SV2C: variants seen among roughly 807,000 people sequenced by gnomAD.
SV2C encodes the protein solute carrier family 22 member B3.
A neutral mutation model predicts 79.7 loss-of-function variants in SV2C; 49 were observed. The ratio of observed to expected loss-of-function variants is 0.61; its 90% confidence interval spans 0.49 to 0.78. The LOEUF (loss-of-function observed/expected upper bound fraction) is 0.78. Among genes scored for constraint, SV2C ranks in the 30% least tolerant of loss-of-function variants. The pLI, the probability that SV2C is intolerant of heterozygous loss-of-function variation, is 0.00. For synonymous variants in SV2C, 334 were observed against 333.2 expected (o/e 1.00, Z -0.03); for missense variants, 833 against 912.9 (o/e 0.91, Z 1.13).
chr5:75,905,366 T>TG, the SV2C span, among the ~76,000 whole-genome samples: 3 of 152,244 alleles, frequency 2.0e-5, no homozygotes, highest in African/African-American at 7.2e-5. Flanking sequence ...ACTTAGCTTC[T>TG]GGGTCAAAGC....
chr5:76,034,872 C>G, the SV2C span, among the ~76,000 whole-genome samples: 1 of 152,178 alleles, frequency 6.6e-6, no homozygotes, highest in Admixed American at 6.5e-5. Context: ...GTGAATCCAT[C>G]TGGTCCTGGA....
intron 1 of SV2C, among the ~76,000 whole-genome samples, chr5:76,099,260 T>C (rs1747660986): frequency 2.0e-5 from 3 of 152,156 alleles, no homozygotes; most frequent in Admixed American, 2.0e-4. Context: ...TTGCCTAAGA[T>C]TGAAGTGCTA....
At chr5:76,094,225 T>C (rs1450625646) in intron 1 of SV2C, among the ~76,000 whole-genome samples, 1 of 152,208 alleles carries the variant, frequency 6.6e-6, no homozygotes, top group East Asian at 1.9e-4. Context: ...AAACATAGAT[T>C]ATAAATATAT....
intron 12 of SV2C, among the ~76,000 whole-genome samples, chr5:76,302,507 G>A (rs1477389437): frequency 1.3e-5 from 2 of 151,400 alleles, no homozygotes; most frequent in African/African-American, 4.9e-5. Flanking sequence ...GCGGGTGCCT[G>A]TAATCCCAGC....
upstream of SV2C, chr5:76,078,664 C>T: frequency 4.5e-6 from 2 of 447,126 alleles, no homozygotes; most frequent in South Asian, 3.9e-5. Flanking sequence ...CCTCGCCTCA[C>T]TGTCACAGCA....
At chr5:76,217,994 T>G (rs1185138012) in intron 4 of SV2C, among the ~76,000 whole-genome samples, 2 of 152,218 alleles carry the variant, frequency 1.3e-5, no homozygotes. Context: ...ACCAGCTGAT[T>G]CTGCGGGTTA....
chr5:75,896,152 T>C, the SV2C span, among the ~76,000 whole-genome samples: 6 of 151,832 alleles, frequency 4.0e-5, no homozygotes, highest in Non-Finnish European at 5.9e-5. Flanking sequence ...CATGCTGGTG[T>C]GCTGCACCCA....
chr5:75,920,523 C>T, the SV2C span: 1 of 416,838 alleles, frequency 2.4e-6, no homozygotes, highest in South Asian at 4.1e-5. Flanking sequence ...GAACAGGAAG[C>T]ATGTCTGGTC....
chr5:76,077,873 A>C, the SV2C span, among the ~76,000 whole-genome samples: 1 of 152,194 alleles, frequency 6.6e-6, no homozygotes, highest in South Asian at 2.1e-4. Context: ...TAAACTTTAG[A>C]GTTGTTTAAT....
At chr5:75,857,581 T>C in the SV2C span, among the ~76,000 whole-genome samples, 2 of 152,198 alleles carry the variant, frequency 1.3e-5, no homozygotes, top group Admixed American at 1.3e-4. Context: ...AGGATGGCTT[T>C]GGTTATTCTG....
At chr5:76,252,607 C>CT (rs1746149544) in intron 4 of SV2C, among the ~76,000 whole-genome samples, 1 of 152,214 alleles carries the variant, frequency 6.6e-6, no homozygotes. Context: ...ATTGGTATAG[C>CT]TGGTGAGAAC....
At chr5:76,239,142 T>C (rs761122900) in intron 4 of SV2C, among the ~76,000 whole-genome samples, 3 of 152,258 alleles carry the variant, frequency 2.0e-5, no homozygotes, top group South Asian at 2.1e-4. Flanking sequence ...ACTAAGCCAG[T>C]TATTCTTCCT....
rs367778927 is a variant in SV2C, at chr5:76,290,543, G to A, written c.1138-678G>A. Among the ~76,000 whole-genome samples the A allele has an allele frequency of 5.9e-5, 9 of 152,214 alleles. No individual in the cohort carries two copies. In the South Asian group the frequency reaches 1.7e-3, roughly 28 times the overall value. ...TTCTCTGTGCTTCTCCTATCTTGTG[G>A]TTCTCTTCCTTAGCAAAAAGAGGCT... is the stretch of plus-strand genomic sequence containing the variant. On this transcript the variant is annotated intron_variant, in intron 6 of 12. Coordinates refer to ENST00000502798, the MANE Select transcript of SV2C (RefSeq NM_014979.4).
At chr5:76,045,451 A>C in the SV2C span, among the ~76,000 whole-genome samples, 1 of 152,152 alleles carries the variant, frequency 6.6e-6, no homozygotes, top group East Asian at 1.9e-4. Context: ...TCTGTGAAGA[A>C]TGTCAATGGT....
At chr5:75,991,749 G>A in the SV2C span, among the ~76,000 whole-genome samples, 1 of 151,304 alleles carries the variant, frequency 6.6e-6, no homozygotes, top group East Asian at 1.9e-4. Flanking sequence ...GTATTTTTGT[G>A]AGGTTTCTAA....
At chr5:75,929,068 G>T in the SV2C span, among the ~76,000 whole-genome samples, 1 of 151,782 alleles carries the variant, frequency 6.6e-6, no homozygotes, top group Non-Finnish European at 1.5e-5. Flanking sequence ...CTGCTTAGAG[G>T]CCTCCCCCAA....
intron 12 of SV2C, among the ~76,000 whole-genome samples, chr5:76,323,852 A>C (rs1266067716): frequency 6.6e-6 from 1 of 152,174 alleles, no homozygotes; most frequent in Non-Finnish European, 1.5e-5. Context: ...ACACATGGAC[A>C]TAGGGAGGGG....
the SV2C span, among the ~76,000 whole-genome samples, chr5:75,897,816 T>C: frequency 2.6e-5 from 4 of 152,186 alleles, no homozygotes; most frequent in East Asian, 3.9e-4. Flanking sequence ...AGGTATTTTA[T>C]TCTCTTTGAA....
chr5:76,046,202 T>C, the SV2C span, among the ~76,000 whole-genome samples: 1 of 152,196 alleles, frequency 6.6e-6, no homozygotes, highest in South Asian at 2.1e-4. Flanking sequence ...TATCCTGTAA[T>C]TGGAAAAATA....
Sources: gnomAD v4.1 joint callset for allele counts (sites outside exome capture counted in the v4.1 genomes callset) on GRCh38, gnomAD v4.1.1 for gene constraint, MANE v1.5 for transcripts, NCBI Gene and HGNC (gene_info 2026-07-23, HGNC 2026-07-21) for gene names.